Variants in DNAH8 observed in about 807,000 individuals in gnomAD.
DNAH8 encodes the protein axonemal beta dynein heavy chain 8.
In DNAH8, 382 loss-of-function variants were observed where a neutral mutation model predicts 562.1. The ratio of observed to expected loss-of-function variants is 0.68; its 90% CI spans 0.63 to 0.74. The LOEUF (loss-of-function observed/expected upper bound fraction) is 0.74, where lower values mean the gene tolerates loss of function less well. Among genes scored for constraint, DNAH8 ranks in the 30% least tolerant of loss-of-function variants. DNAH8 has a pLI of 0.00. For synonymous variants in DNAH8, 1,881 were observed against 1,919.4 expected (o/e 0.98, Z 0.52); for missense variants, 5,203 against 5,620.4 (o/e 0.93, Z 2.37).
intron 62 of DNAH8, among the ~76,000 whole-genome samples, chr6:38,905,167 T>C (rs1372443047): frequency 2.0e-5 from 3 of 152,224 alleles, no homozygotes; most frequent in Non-Finnish European, 4.4e-5. Context: ...TCATAGTCTT[T>C]CTGTGAGACC....
At chr6:38,979,735 C>T (rs1763906763) in intron 85 of DNAH8, among the ~76,000 whole-genome samples, 1 of 152,164 alleles carries the variant, frequency 6.6e-6, no homozygotes, top group African/African-American at 2.4e-5. Context: ...AACTAAATTG[C>T]AGTTGCTCAG....
chr6:38,985,243 A>G (rs757087943), intron 87 of DNAH8, among the ~76,000 whole-genome samples: 36 of 152,226 alleles, frequency 2.4e-4, no homozygotes, highest in Non-Finnish European at 4.3e-4. Flanking sequence ...AATAACACCT[A>G]CCAGACTCAA....
Position 38,791,667 on chromosome 6 carries a change from T to G in DNAH8, c.2894T>G (p.Leu965Arg), listed in dbSNP as rs892710478. 9 of 1,613,074 alleles carry G rather than the reference T, an allele frequency of 5.6e-6. No homozygotes were observed. Among genetic ancestry groups the G allele is most frequent in the Non-Finnish European group, 7.6e-6 (9 of 1,179,722 alleles). Reference sequence around the variant, plus strand: ...ACCAAAGTAGAAGATATGTTGACCCTCAATGAGGTATGCATTTGTTCATTA... The same window carrying G: ...ACCAAAGTAGAAGATATGTTGACCCGCAATGAGGTATGCATTTGTTCATTA... Reference protein sequence around the residue: ...GATKVEDMLTLNETYTKEWAD... With the variant: ...GATKVEDMLTRNETYTKEWAD... Residue 965 changes from leucine to arginine, a missense_variant, in exon 21 of 93, where the codon CTC (leucine) becomes CGC (arginine). Physicochemically the swap from Leu to Arg is moderately radical, Grantham distance 102. Coordinates refer to ENST00000327475, the MANE Select transcript of DNAH8 (RefSeq NM_001206927.2).
chr6:38,826,422 A>G, intron 29 of DNAH8, 31 bp downstream of exon 29: 1 of 1,445,586 alleles, frequency 6.9e-7, no homozygotes, highest in Non-Finnish European at 9.5e-7. Flanking sequence ...TTTTTCTTGG[A>G]ATGCTTTTTT....
Position 38,780,054 on chromosome 6 carries a change from G to A in DNAH8, c.2128G>A (p.Ala710Thr). ...ILQYYVAELD[A>T]TKKLYHSQKD... The stretch of plus-strand genomic sequence containing the variant: ...TCAGTACTATGTGGCTGAACTTGAT[G>A]CTACTAAGAAGGCAAGTGTCATGTT... The change falls in exon 15 of 93, where the codon GCT (alanine) becomes ACT (threonine). Residue 710 changes from alanine to threonine, a missense_variant. Physicochemically the swap from Ala to Thr is moderately conservative, Grantham distance 58 (BLOSUM62 0). Coordinates refer to ENST00000327475, the MANE Select transcript of DNAH8 (RefSeq NM_001206927.2). 6.2e-7 allele frequency: 1 copy of A among 1,613,696 alleles called. No homozygotes were observed. Among genetic ancestry groups the A allele is most frequent in the Non-Finnish European group, 8.5e-7 (1 of 1,179,700 alleles).
chr6:38,874,062 CTTTCTTTTTCTTTCTT>C (rs1777723128), intron 52 of DNAH8, among the ~76,000 whole-genome samples: 3 of 38,320 alleles, frequency 7.8e-5, no homozygotes, highest in African/African-American at 3.0e-4. Context: ...TTCTTTCTTT[CTTTCTTTTTCTTTCTT>C]TCTTTCTTTC....
chr6:38,896,908 C>G (rs1020452756), intron 60 of DNAH8, among the ~76,000 whole-genome samples: 1 of 152,174 alleles, frequency 6.6e-6, no homozygotes. Context: ...GCCTCAGCCT[C>G]CCGAGTAGCT....
chr6:38,975,220 T>A (rs551399452), intron 85 of DNAH8, among the ~76,000 whole-genome samples: 29 of 152,338 alleles, frequency 1.9e-4, no homozygotes, highest in African/African-American at 7.0e-4. Flanking sequence ...TACGATTTTT[T>A]AAATTATTGT....
chr6:39,007,271 G>A (rs562723525), intron 88 of DNAH8, among the ~76,000 whole-genome samples: 1 of 152,170 alleles, frequency 6.6e-6, no homozygotes, highest in South Asian at 2.1e-4. Context: ...ATATTAAAAG[G>A]TATGCAAGTA....
chr6:38,738,553 T>G (rs1764282753), intron 7 of DNAH8, among the ~76,000 whole-genome samples: 1 of 152,342 alleles, frequency 6.6e-6, no homozygotes, highest in Non-Finnish European at 1.5e-5. Flanking sequence ...ATTACATAAT[T>G]GCCCTAAACA....
At position 38,761,862 on chromosome 6, in the gene DNAH8, A is replaced by G. The variant is rs1766551676; in HGVS notation, c.1617+59A>G. ...ATCTTTTCCCATCCTGCCCAATTTT[A>G]CTTTGTTTATTCACAAAATATGTTA... On this transcript the variant is annotated intron_variant, in intron 11 of 92. Transcript: ENST00000327475. The G allele has an allele frequency of 6.7e-6, 7 of 1,039,606 alleles. No homozygotes were observed. The East Asian group carries it at 1.7e-4, about 25-fold the overall frequency. The allele number at this position is 1,039,606 out of a possible 1,614,324, so 64.4% of individuals were successfully genotyped here.
chr6:38,835,802 C>A (rs1383677913), intron 32 of DNAH8, among the ~76,000 whole-genome samples: 1 of 152,036 alleles, frequency 6.6e-6, no homozygotes, highest in Non-Finnish European at 1.5e-5. Flanking sequence ...AATAAGGAGT[C>A]TGAATTCTAT....
intron 44 of DNAH8, 111 bp from the exon 45 acceptor site, chr6:38,863,762 T>C: frequency 1.2e-6 from 1 of 820,748 alleles, no homozygotes. Context: ...TATGAAACTT[T>C]ACATAATCCC....
chr6:38,813,985 T>C, intron 24 of DNAH8, 69 bp from the exon 25 acceptor site: 1 of 1,106,738 alleles, frequency 9.0e-7, no homozygotes, highest in South Asian at 1.3e-5. Flanking sequence ...GACTGAATTT[T>C]GTAGCATAAT....
intron 17 of DNAH8, among the ~76,000 whole-genome samples, chr6:38,785,482 T>C (rs1769063303): frequency 6.6e-6 from 1 of 152,330 alleles, no homozygotes; most frequent in South Asian, 2.1e-4. Flanking sequence ...CAAAAGTTCT[T>C]TTGGAATTTC....
At chr6:38,999,455 G>T (rs1161713847) in intron 88 of DNAH8, among the ~76,000 whole-genome samples, 2 of 151,464 alleles carry the variant, frequency 1.3e-5, no homozygotes, top group African/African-American at 4.8e-5. Flanking sequence ...GCTTTTCTTA[G>T]CATGAATGGA....
chr6:38,799,587 A>AT (rs1273708622), intron 21 of DNAH8, among the ~76,000 whole-genome samples: 15 of 152,114 alleles, frequency 9.9e-5, no homozygotes, highest in African/African-American at 3.6e-4. Context: ...ACAAATTATT[A>AT]TTTTTTAGCA....
intron 85 of DNAH8, among the ~76,000 whole-genome samples, chr6:38,981,874 T>G (rs1561940088): frequency 6.6e-6 from 1 of 152,258 alleles, no homozygotes; most frequent in African/African-American, 2.4e-5. Context: ...CTAATATGGC[T>G]ATATGCCACA....
chr6:38,862,763 T>C (rs1776735592), intron 44 of DNAH8, among the ~76,000 whole-genome samples: 1 of 152,154 alleles, frequency 6.6e-6, no homozygotes, highest in African/African-American at 2.4e-5. Context: ...AGGGGACACA[T>C]GTGGCTTCCC....
Sources: allele counts gnomAD v4.1 joint callset (sites outside exome capture counted in the v4.1 genomes callset), GRCh38; gene constraint gnomAD v4.1.1; transcripts MANE v1.5; gene names NCBI Gene and HGNC (gene_info 2026-07-23, HGNC 2026-07-21).